The following TIAM1 variants were observed in gnomAD, a reference collection of about 807,000 sequenced individuals.
TIAM1 encodes the protein TIAM Rac1 associated GEF 1.
TIAM1 carries 65 observed loss-of-function variants against 163.5 expected under a neutral mutation model. The observed-to-expected ratio is 0.40, with a 90% CI of 0.33 to 0.49. TIAM1 has a LOEUF of 0.49. Ranked by LOEUF, TIAM1 falls within the 20% of genes least tolerant of loss-of-function variation. The pLI, the probability that TIAM1 is intolerant of heterozygous loss-of-function variation, is 0.77. For synonymous variants in TIAM1, 833 were observed against 810.1 expected (o/e 1.03, Z -0.48); for missense variants, 1,789 against 2,044.7 (o/e 0.87, Z 2.41).
At position 31,189,900 on chromosome 21, in the gene TIAM1, A is replaced by G. The variant is rs113972235; in HGVS notation, c.2576-2813T>C. 6.9e-3 allele frequency among the ~76,000 whole-genome samples: 1,049 copies of G among 152,286 alleles called. 8 individuals are homozygous for G. The highest frequency in any genetic ancestry group is 0.024 in the African/African-American group (999 of 41,556). On this transcript the variant is annotated intron_variant, in intron 13 of 27. Transcript: ENST00000541036. ...ACAGTTAATCAGCAAAGTCAGATCT[A>G]TTTCTTTTAAATAGGACAGCAATGT... is the stretch of plus-strand genomic sequence containing the variant.
At chr21:31,307,140 T>A (rs1363239980) in intron 2 of TIAM1, among the ~76,000 whole-genome samples, 1 of 152,206 alleles carries the variant, frequency 6.6e-6, no homozygotes, top group South Asian at 2.1e-4. Flanking sequence ...TATAATGGAA[T>A]GAGGCACAAA....
At position 31,120,377 on chromosome 21, in the gene TIAM1, A is replaced by G; in HGVS notation, c.4767T>C (p.Thr1589=). The change falls in exon 28 of 28, where the codon ACT becomes ACC. Residue 1589 remains threonine (T), a synonymous_variant. Coordinates refer to ENST00000541036, the MANE Select transcript of TIAM1 (RefSeq NM_001353694.2). The surrounding 1 kb of genome is among the most constrained non-coding windows in gnomAD (Gnocchi z 4.2). ...EDFAPSRKLN[T]EI ...GGGGCAGGTGACGCAGTCAGATCTC[A>G]GTGTTCAGTTTCCTGGAGGGGGCAA... 6.2e-7 allele frequency: 1 copy of G among 1,606,748 alleles called. No individual in the cohort carries two copies. Among genetic ancestry groups the G allele is most frequent in the Non-Finnish European group, 8.5e-7 (1 of 1,175,804 alleles).
chr21:31,199,000 C>T (rs1278332009), intron 12 of TIAM1, among the ~76,000 whole-genome samples: 1 of 152,194 alleles, frequency 6.6e-6, no homozygotes, highest in Non-Finnish European at 1.5e-5. Context: ...TCTGGAAATT[C>T]AGTAGTTTTA....
chr21:31,377,769 T>A (rs1457108030), intron 2 of TIAM1, among the ~76,000 whole-genome samples: 1 of 150,792 alleles, frequency 6.6e-6, no homozygotes, highest in Non-Finnish European at 1.5e-5. Flanking sequence ...ACATCTCCCA[T>A]CCAGATGCGA....
intron 1 of TIAM1, among the ~76,000 whole-genome samples, chr21:31,506,261 T>TACACACACGTACAC (rs1556009397): frequency 4.0e-5 from 6 of 148,612 alleles, no homozygotes; most frequent in South Asian, 4.3e-4. Flanking sequence ...CTCACACACG[T>TACACACACGTACAC]ACACACACAC....
At chr21:31,203,403 G>A (rs1036177859) in intron 11 of TIAM1, among the ~76,000 whole-genome samples, 1 of 152,234 alleles carries the variant, frequency 6.6e-6, no homozygotes, top group Non-Finnish European at 1.5e-5. Flanking sequence ...GATTACAGGC[G>A]TGGGCCACTG....
rs561921923 is a variant in TIAM1, at chr21:31,500,971, A to T, written c.-421-36936T>A. Among the ~76,000 whole-genome samples the T allele has an allele frequency of 2.0e-5, 3 of 152,356 alleles. No individual in the cohort carries two copies. In the East Asian group the frequency reaches 5.8e-4, roughly 29 times the overall value. On this transcript the variant is annotated intron_variant, in intron 1 of 28. Transcript: ENST00000286827. ...AAATTCTTGACTTGCCTGAGAAAAC[A>T]GGACACTTTTACAAAGGCAACTAAT... is the stretch of plus-strand genomic sequence containing the variant.
rs758550314 is a variant in TIAM1 at position 31,245,440 on chromosome 21, G to C, written c.1584+48C>G. The stretch of plus-strand genomic sequence containing the variant: ...GGTGCCTAGGCAAGAAAAGAAGGTA[G>C]CCAGTTCAGAGGTTTGAAATGCCCT... On this transcript the variant is annotated intron_variant, in intron 6 of 27. Transcript: ENST00000541036. 11 of 1,229,084 alleles carry C rather than the reference G, an allele frequency of 8.9e-6. No individual in the cohort carries two copies. The African/African-American group carries it at 1.6e-4, about 18-fold the overall frequency. The allele number at this position is 1,229,084 out of a possible 1,614,324, so 76.1% of individuals were successfully genotyped here.
Position 31,279,126 on chromosome 21 carries a change from T to A in TIAM1, c.-188-2218A>T, listed in dbSNP as rs547295908. ...CTTCTAGTCCCTGAACAAAAAAATA[T>A]ATAAATAAATAAATAAACAAAAAAA... On this transcript the variant is annotated intron_variant, in intron 2 of 27. Transcript: ENST00000541036. Among the ~76,000 whole-genome samples the A allele has an allele frequency of 2.4e-4, 36 of 151,816 alleles. 1 individual carries two copies. The highest frequency in any genetic ancestry group is 8.2e-4 in the African/African-American group (34 of 41,456).
At chr21:31,223,033 G>A (rs2087714503) in intron 8 of TIAM1, among the ~76,000 whole-genome samples, 2 of 151,886 alleles carry the variant, frequency 1.3e-5, no homozygotes, top group African/African-American at 2.4e-5. Flanking sequence ...ATGCATTGAT[G>A]TATGAGAGTG....
chr21:31,375,226 T>C (rs1425784890), intron 2 of TIAM1, among the ~76,000 whole-genome samples: 2 of 152,214 alleles, frequency 1.3e-5, no homozygotes, highest in African/African-American at 4.8e-5. Flanking sequence ...AGAAAGTCAC[T>C]GTTTAATAGA....
chr21:31,515,690 G>GAATCCTGCAGAATAA (rs1252658758), intron 1 of TIAM1, among the ~76,000 whole-genome samples: 2 of 152,096 alleles, frequency 1.3e-5, no homozygotes, highest in African/African-American at 4.8e-5. Flanking sequence ...CAACACCCAG[G>GAATCCTGCAGAATAA]AATCCTGCAG....
intron 2 of TIAM1, among the ~76,000 whole-genome samples, chr21:31,409,599 T>C (rs1371602208): frequency 6.6e-6 from 1 of 152,128 alleles, no homozygotes; most frequent in South Asian, 2.1e-4. Flanking sequence ...CACACCAGCA[T>C]CACCACCCCT....
chr21:31,480,724 A>G (rs2046083755), intron 1 of TIAM1, among the ~76,000 whole-genome samples: 1 of 151,158 alleles, frequency 6.6e-6, no homozygotes, highest in Non-Finnish European at 1.5e-5. Context: ...GGGATTCAAC[A>G]ACATTCATTC....
chr21:31,369,520 A>AAT (rs553175446), intron 2 of TIAM1, among the ~76,000 whole-genome samples: 17 of 152,318 alleles, frequency 1.1e-4, no homozygotes, highest in African/African-American at 4.1e-4. Flanking sequence ...TACAGTTAAC[A>AAT]ATAATTTATT....
At chr21:31,160,017 T>C (rs1281252152) in intron 16 of TIAM1, among the ~76,000 whole-genome samples, 1 of 152,126 alleles carries the variant, frequency 6.6e-6, no homozygotes, top group Admixed American at 6.5e-5. Flanking sequence ...GAACATCCTA[T>C]TTCCAGACCT....
rs1601139856 is a variant in TIAM1, at chr21:31,118,901, A to G, written c.*1467T>C. ...AAGAGCATGATGTACTGAACTCTCT[A>G]TTGTCTGGAAATATAAAGTCATAAC... On this transcript the variant is annotated 3_prime_UTR_variant, in exon 28 of 28. Transcript: ENST00000541036. 7.9e-6 allele frequency: 2 copies of G among 253,124 alleles called. No homozygotes were observed. Among genetic ancestry groups the G allele is most frequent in the African/African-American group, 2.3e-5 (1 of 43,570 alleles). 15.7% of individuals were successfully genotyped at this position (253,124 alleles called of 1,614,324 possible). A position where few individuals can be genotyped will look rare whatever the true frequency, so the allele number is the denominator to read the frequency against.
intron 3 of TIAM1, among the ~76,000 whole-genome samples, chr21:31,269,319 C>A (rs1441302051): frequency 6.6e-6 from 1 of 152,150 alleles, no homozygotes; most frequent in Non-Finnish European, 1.5e-5. Context: ...AGGAAAGAAG[C>A]CACTTTTATC....
intron 1 of TIAM1, among the ~76,000 whole-genome samples, chr21:31,520,274 C>T (rs1351451748): frequency 1.3e-5 from 2 of 149,636 alleles, no homozygotes; most frequent in Admixed American, 6.7e-5. Context: ...GAGGTTGTGG[C>T]GAGCTGAGAT....
Sources: gnomAD v4.1 joint callset for allele counts (sites outside exome capture counted in the v4.1 genomes callset) on GRCh38, gnomAD v4.1.1 for gene constraint, Gnocchi (gnomAD v3.1) non-coding constraint, MANE v1.5 for transcripts, NCBI Gene and HGNC (gene_info 2026-07-23, HGNC 2026-07-21) for gene names.